Variants in ODF2 observed in about 807,000 individuals in gnomAD.
The protein encoded by ODF2 is outer dense fiber protein 2.
A neutral mutation model predicts 110.2 loss-of-function variants in ODF2; 47 were observed. The observed-to-expected ratio is 0.43, with a 90% CI of 0.34 to 0.54. ODF2 has a LOEUF of 0.54. Among genes scored for constraint, ODF2 ranks in the 20% least tolerant of loss-of-function variants. The probability of loss-of-function intolerance (pLI) is 0.03; values close to 1 mark genes in which losing one functional copy is unlikely to be tolerated. For missense variants in ODF2, 812 were observed against 1,054.5 expected (o/e 0.77, Z 3.19); for synonymous variants, 352 against 397.7 (o/e 0.89, Z 1.37).
intron 2 of ODF2, among the ~76,000 whole-genome samples, chr9:128,459,238 A>G (rs1410608645): frequency 2.0e-5 from 3 of 152,198 alleles, no homozygotes; most frequent in African/African-American, 7.2e-5. Flanking sequence ...CCCTTGGCCA[A>G]ACCAGCACAT....
chr9:128,465,457 G>T (rs1837591697), intron 4 of ODF2, among the ~76,000 whole-genome samples: 1 of 151,874 alleles, frequency 6.6e-6, no homozygotes, highest in Non-Finnish European at 1.5e-5. Flanking sequence ...TACTAAAAGT[G>T]ATCAGCCGGG....
At chr9:128,499,937 T>A in intron 20 of ODF2, 130 bp from the exon 21 acceptor site, 1 of 810,004 alleles carries the variant, frequency 1.2e-6, no homozygotes, top group Non-Finnish European at 1.9e-6. Flanking sequence ...AGAAACCCCA[T>A]ACCCATTAGA....
At chr9:128,499,582 A>G (rs1488763082) in intron 20 of ODF2, among the ~76,000 whole-genome samples, 2 of 151,834 alleles carry the variant, frequency 1.3e-5, no homozygotes, top group Non-Finnish European at 2.9e-5. Flanking sequence ...GGTGTGAGCC[A>G]CTGCACCCAG....
Position 128,484,897 on chromosome 9 carries a change from C to A in ODF2, c.1290+11C>A, listed in dbSNP as rs4075146. The A allele has an allele frequency of 6.2e-7, 1 of 1,607,886 alleles. No homozygotes were observed. The highest frequency in any genetic ancestry group is 1.3e-5 in the African/African-American group (1 of 74,518). On this transcript the variant is annotated intron_variant, in intron 12 of 20. Coordinates refer to ENST00000604420, the Ensembl canonical transcript of ODF2. ...CAACTCGCTGACAAGGTCGCAGGCC[C>A]GCGGTGCCCAGCTCCTCACCTGCCC...
At chr9:128,488,960 T>C (rs1843976984) in intron 14 of ODF2, among the ~76,000 whole-genome samples, 1 of 152,136 alleles carries the variant, frequency 6.6e-6, no homozygotes, top group Admixed American at 6.5e-5. Flanking sequence ...TGAGCCGAGA[T>C]TGCGCCACTG....
At chr9:128,455,360 C>A, upstream of ODF2, 1 of 648,966 alleles carries the variant, frequency 1.5e-6, no homozygotes, top group East Asian at 3.1e-5. Context: ...GACTATCCTG[C>A]CCAACACGGT....
chr9:128,482,738 C>A, intron 9 of ODF2, 78 bp from the exon 10 acceptor site: 3 of 1,113,064 alleles, frequency 2.7e-6, no homozygotes, highest in Non-Finnish European at 4.0e-6. Context: ...TGGCCAGGTA[C>A]TCACAAATCT....
chr9:128,456,496 G>T (rs893099123), intron 1 of ODF2: 2 of 1,526,692 alleles, frequency 1.3e-6, no homozygotes, highest in Non-Finnish European at 1.8e-6. Context: ...CTACCACGGG[G>T]CTCTGCCCCT....
Position 128,484,891 on chromosome 9 carries a change from C to T in ODF2, c.1290+5C>T. 6.2e-7 allele frequency: 1 copy of T among 1,612,600 alleles called. No homozygotes were observed. The highest frequency in any genetic ancestry group is 8.5e-7 in the Non-Finnish European group (1 of 1,179,514). On this transcript the variant is annotated splice_donor_5th_base_variant and intron_variant, in intron 12 of 20. Transcript: ENST00000604420. Reference sequence around the variant, plus strand: ...CACGTGCAACTCGCTGACAAGGTCGCAGGCCCGCGGTGCCCAGCTCCTCAC... The same window carrying T: ...CACGTGCAACTCGCTGACAAGGTCGTAGGCCCGCGGTGCCCAGCTCCTCAC...
At chr9:128,456,882 C>G in intron 1 of ODF2, 1 of 1,307,738 alleles carries the variant, frequency 7.6e-7, no homozygotes, top group Non-Finnish European at 9.8e-7. Context: ...CCTTTAAACA[C>G]TATTGGTCCT....
exon 21 of ODF2, chr9:128,500,280 C>G: frequency 6.2e-7 from 1 of 1,611,442 alleles, no homozygotes; most frequent in Non-Finnish European, 8.5e-7. Context: ...GCCTGGAGCC[C>G]TGATGGAAGC....
chr9:128,456,801 C>G, intron 1 of ODF2: 2 of 1,301,094 alleles, frequency 1.5e-6, no homozygotes, highest in Non-Finnish European at 2.0e-6. Flanking sequence ...GGCGTCTATC[C>G]TGCTCAGAAC....
At chr9:128,501,168 G>T (rs1448581366), downstream of ODF2, 3 of 152,210 alleles carry the variant, frequency 2.0e-5, no homozygotes, top group Admixed American at 6.5e-5. Context: ...ACTGTAAGAA[G>T]GATTGCTTGG....
In ODF2 at chr9:128,498,985, G is replaced by GGTTTACATTA. The variant is rs758897910; in HGVS notation, c.2176-16_2176-15insGTTTACATTA. 4.1e-4 allele frequency: 664 copies of GGTTTACATTA among 1,613,756 alleles called. No homozygotes were observed. Among genetic ancestry groups the GGTTTACATTA allele is most frequent in the Non-Finnish European group, 5.1e-4 (607 of 1,179,838 alleles). On this transcript the variant is annotated splice_polypyrimidine_tract_variant and intron_variant, in intron 19 of 20. Transcript: ENST00000604420. Reference sequence around the variant, plus strand: ...TCCGGTAAACCAGTCTCATGTCTGGGCCTTTGAATGTGCAGGTGGAACAAA... The same window carrying GGTTTACATTA: ...TCCGGTAAACCAGTCTCATGTCTGGGGTTTACATTACCTTTGAATGTGCAGGTGGAACAAA...
At position 128,485,982 on chromosome 9, in the gene ODF2, C is replaced by T. The variant is rs1196087423; in HGVS notation, c.1400+508C>T. 6.6e-6 allele frequency among the ~76,000 whole-genome samples: 1 copy of T among 152,138 alleles called. No individual in the cohort carries two copies. Reference sequence around the variant, plus strand: ...AGTGACTGAGCTGACACCTTTCTTGCCACTGGCGAACTGTGAATAGTGACC... The same window carrying T: ...AGTGACTGAGCTGACACCTTTCTTGTCACTGGCGAACTGTGAATAGTGACC... On this transcript the variant is annotated intron_variant, in intron 13 of 20. Transcript: ENST00000604420. This position sits in a 1 kb window ranked among gnomAD's most constrained non-coding sequence, Gnocchi z 5.0.
chr9:128,481,712 A>ACT (rs1842431772), intron 9 of ODF2, 61 bp downstream of exon 9: 1 of 1,379,066 alleles, frequency 7.3e-7, no homozygotes, highest in African/African-American at 1.4e-5. Context: ...TCGTTCCACT[A>ACT]CAAAGTGTAG....
chr9:128,459,088 G>T (rs1246403314), intron 2 of ODF2, among the ~76,000 whole-genome samples: 2 of 152,118 alleles, frequency 1.3e-5, no homozygotes, highest in South Asian at 2.1e-4. Flanking sequence ...CAAGCAATCT[G>T]CCTGCCTTGG....
chr9:128,458,254 A>T (rs1835460707), intron 2 of ODF2, among the ~76,000 whole-genome samples: 1 of 152,074 alleles, frequency 6.6e-6, no homozygotes, highest in Non-Finnish European at 1.5e-5. Flanking sequence ...GGAGTTTGAG[A>T]CCAGCCTGAC....
chr9:128,499,999 CCTATGTCT>C, intron 20 of ODF2, 60 bp from the exon 21 acceptor site: 1 of 1,568,828 alleles, frequency 6.4e-7, no homozygotes, highest in Non-Finnish European at 8.7e-7. Context: ...TAAGAAAGTC[CCTATGTCT>C]CTATGGATTT....
Sources: allele counts gnomAD v4.1 joint callset (sites outside exome capture counted in the v4.1 genomes callset), GRCh38; gene constraint gnomAD v4.1.1; non-coding constraint Gnocchi (gnomAD v3.1); transcripts MANE v1.5; gene names NCBI Gene and HGNC (gene_info 2026-07-23, HGNC 2026-07-21).